KCNH1: variants seen among roughly 807,000 people sequenced by gnomAD.
The protein encoded by KCNH1 is voltage-gated delayed rectifier potassium channel KCNH1.
KCNH1 carries 27 observed loss-of-function variants against 69.2 expected under a neutral mutation model. That is an observed-to-expected ratio of 0.39 (90% confidence interval 0.29 to 0.54). KCNH1 has a LOEUF of 0.54. KCNH1 is among the 20% of genes least tolerant of loss of function. The pLI is 0.68. For missense variants in KCNH1, 798 were observed against 1,261.6 expected (o/e 0.63, Z 5.57); for synonymous variants, 456 against 487.7 (o/e 0.93, Z 0.86).
chr1:210,837,278 C>G (rs1685303827), intron 7 of KCNH1, among the ~76,000 whole-genome samples: 1 of 152,268 alleles, frequency 6.6e-6, no homozygotes, highest in South Asian at 2.1e-4. Flanking sequence ...CCACCCTTCC[C>G]CTGTGTTCCC....
intron 7 of KCNH1, among the ~76,000 whole-genome samples, chr1:210,816,490 A>G (rs1684818782): frequency 6.6e-6 from 1 of 152,208 alleles, no homozygotes; most frequent in Admixed American, 6.5e-5. Context: ...ATGAATCAAG[A>G]AGGTCAGAAA....
At chr1:211,131,829 A>ATT (rs34150086) in intron 1 of KCNH1, among the ~76,000 whole-genome samples, 2 of 151,936 alleles carry the variant, frequency 1.3e-5, no homozygotes, top group South Asian at 2.1e-4. Flanking sequence ...AAGATGCTTC[A>ATT]TTTTTTTTGA....
intron 10 of KCNH1, among the ~76,000 whole-genome samples, chr1:210,765,407 A>G (rs1250373168): frequency 2.6e-5 from 4 of 152,202 alleles, no homozygotes; most frequent in Admixed American, 2.0e-4. Flanking sequence ...ATTTAATAAA[A>G]CAAACAACCA....
chr1:211,022,515 A>G (rs182734695), intron 5 of KCNH1, among the ~76,000 whole-genome samples: 10 of 152,344 alleles, frequency 6.6e-5, no homozygotes, highest in Admixed American at 3.3e-4. Flanking sequence ...AGCAAAGTAA[A>G]CAATCAACAG....
intron 7 of KCNH1, among the ~76,000 whole-genome samples, chr1:210,806,826 A>ATATATATATATAT (rs1558477801): frequency 2.1e-5 from 1 of 48,226 alleles, no homozygotes; most frequent in Non-Finnish European, 4.6e-5. Flanking sequence ...AAAAAAAAAA[A>ATATATATATATAT]AAAAAAAAAA....
intron 10 of KCNH1, among the ~76,000 whole-genome samples, chr1:210,729,244 T>C (rs1021671424): frequency 6.6e-6 from 1 of 152,170 alleles, no homozygotes; most frequent in African/African-American, 2.4e-5. Context: ...AAAAAGTGGC[T>C]TCTTCTTTAG....
In KCNH1 at chr1:210,926,927, G is replaced by A. The variant is rs1013943549; in HGVS notation, c.1033-6858C>T. Among the ~76,000 whole-genome samples the A allele has an allele frequency of 3.3e-5, 5 of 152,206 alleles. No homozygotes were observed. In the South Asian group the frequency reaches 1.0e-3, roughly 32 times the overall value. The stretch of plus-strand genomic sequence containing the variant: ...CACTTAGAGAAATGCAAAATGCACT[G>A]GAAAGTCTCAGGACAGAATTGAACA... On this transcript the variant is annotated intron_variant, in intron 6 of 10. Transcript: ENST00000271751.
At chr1:210,943,908 C>T (rs1344091870) in intron 6 of KCNH1, among the ~76,000 whole-genome samples, 2 of 152,196 alleles carry the variant, frequency 1.3e-5, no homozygotes, top group Non-Finnish European at 2.9e-5. Flanking sequence ...CATGGGGACT[C>T]AGTAGATACC....
chr1:211,037,685 A>G (rs1218113838), intron 5 of KCNH1, among the ~76,000 whole-genome samples: 1 of 152,034 alleles, frequency 6.6e-6, no homozygotes, highest in Non-Finnish European at 1.5e-5. Flanking sequence ...CATCGGCCAG[A>G]GCCTGTCTCT....
chr1:211,087,429 T>C (rs1319525340), intron 4 of KCNH1, among the ~76,000 whole-genome samples: 15 of 152,162 alleles, frequency 9.9e-5, no homozygotes. Flanking sequence ...TATACTCATT[T>C]GCCCAAACCT....
intron 7 of KCNH1, among the ~76,000 whole-genome samples, chr1:210,833,583 A>G (rs1040865678): frequency 2.6e-5 from 4 of 152,192 alleles, no homozygotes; most frequent in Non-Finnish European, 4.4e-5. Context: ...TAAAAACCCT[A>G]GAAGAAAACC....
At chr1:211,057,546 A>G (rs6702607) in intron 5 of KCNH1, among the ~76,000 whole-genome samples, 111,507 of 151,932 alleles carry the variant, frequency 0.73, 41,385 homozygotes, top group South Asian at 0.83. Flanking sequence ...GGCTGAGGTG[A>G]GAGGATCGCT....
At chr1:210,705,531 G>A (rs987584761) in intron 10 of KCNH1, among the ~76,000 whole-genome samples, 2 of 152,138 alleles carry the variant, frequency 1.3e-5, no homozygotes, top group Admixed American at 6.5e-5. Context: ...CCAGAGGGTC[G>A]ACCCTGGCCC....
At chr1:210,697,845 T>C (rs1299533376) in intron 10 of KCNH1, among the ~76,000 whole-genome samples, 1 of 152,268 alleles carries the variant, frequency 6.6e-6, no homozygotes, top group Non-Finnish European at 1.5e-5. Context: ...TCCTTGTTCC[T>C]GGTATGGTAA....
chr1:211,093,713 C>G (rs575870390), intron 3 of KCNH1, among the ~76,000 whole-genome samples: 5 of 152,268 alleles, frequency 3.3e-5, no homozygotes, highest in African/African-American at 9.6e-5. Flanking sequence ...AATATGGGGG[C>G]TTTTTGAGGG....
intron 10 of KCNH1, among the ~76,000 whole-genome samples, chr1:210,765,248 G>A (rs1683603563): frequency 1.3e-5 from 2 of 151,960 alleles, no homozygotes; most frequent in African/African-American, 4.8e-5. Context: ...TGGGCAGGGG[G>A]TAATGGTGGC....
intron 6 of KCNH1, among the ~76,000 whole-genome samples, chr1:210,961,468 T>C (rs1382635184): frequency 6.6e-6 from 1 of 152,206 alleles, no homozygotes; most frequent in Non-Finnish European, 1.5e-5. Flanking sequence ...TCTCTAGAAG[T>C]CTGATGAGTC....
chr1:210,869,740 G>T (rs1686197619), intron 7 of KCNH1, among the ~76,000 whole-genome samples: 1 of 152,048 alleles, frequency 6.6e-6, no homozygotes, highest in African/African-American at 2.4e-5. Context: ...TAACTAAGCT[G>T]TGACTTATTT....
intron 7 of KCNH1, among the ~76,000 whole-genome samples, chr1:210,884,664 T>C (rs531407844): frequency 3.9e-5 from 6 of 152,290 alleles, no homozygotes; most frequent in African/African-American, 1.4e-4. Flanking sequence ...GCCTGTTCAC[T>C]CTCCCCAGGC....
Sources: allele counts gnomAD v4.1 joint callset (sites outside exome capture counted in the v4.1 genomes callset), GRCh38; gene constraint gnomAD v4.1.1; transcripts MANE v1.5; gene names NCBI Gene and HGNC (gene_info 2026-07-23, HGNC 2026-07-21).